Variants in PCID2 observed in about 807,000 individuals in gnomAD.
The protein encoded by PCID2 is PCI domain containing 2, also known as PCI domain-containing protein 2.
PCID2 carries 41 observed loss-of-function variants against 61.3 expected under a neutral mutation model. The ratio of observed to expected loss-of-function variants is 0.67; its 90% confidence interval spans 0.52 to 0.87. The LOEUF (loss-of-function observed/expected upper bound fraction) is 0.87. Among genes scored for constraint, PCID2 ranks in the 40% least tolerant of loss-of-function variants. The pLI is 0.00. For synonymous variants in PCID2, 187 were observed against 177.8 expected (o/e 1.05, Z -0.41); for missense variants, 392 against 493.4 (o/e 0.79, Z 1.95).
chr13:113,175,773 G>A (rs561858689), downstream of PCID2, among the ~76,000 whole-genome samples: 19 of 152,334 alleles, frequency 1.2e-4, no homozygotes, highest in East Asian at 5.8e-4. Flanking sequence ...CATCTCTCGC[G>A]TGTACGTGTG....
Position 113,181,145 on chromosome 13 carries a change from T to A in PCID2, c.771A>T (p.Pro257=). ...NKRMILIYLL[P]VKMLLGHMPT... ...AATCACTCACCAATAGCATTTTTAC[T>A]GGAAGCAAATAGATCAGAATCATCC... The change falls in exon 10 of 14, where the codon CCA becomes CCT. Residue 257 remains proline (P), a synonymous_variant. Coordinates refer to ENST00000337344, the MANE Select transcript of PCID2 (RefSeq NM_001127202.4). 2 of 1,608,942 alleles carry A rather than the reference T, an allele frequency of 1.2e-6. No individual in the cohort carries two copies. Among genetic ancestry groups the A allele is most frequent in the Non-Finnish European group, 1.7e-6 (2 of 1,175,220 alleles).
At position 113,181,202 on chromosome 13, in the gene PCID2, C is replaced by A. The variant is rs1357304307; in HGVS notation, c.714G>T (p.Glu238Asp). The change falls in exon 10 of 14, where the codon GAG becomes GAT. Residue 238 changes from glutamate to aspartate, a missense_variant. Physicochemically the swap from Glu to Asp is conservative, Grantham distance 45. This residue lies in a region of PCID2 where 226 missense variants were observed against 296.5 expected (regional missense o/e 0.76). Transcript: ENST00000337344. ...TCTTCTGACTAGAACGGTGACAATG[C>A]TCAAAGGCAAATGACAGGTACTCCT... Reference protein sequence around the residue: ...QAEEYLSFAFEHCHRSSQKNK... With the variant: ...QAEEYLSFAFDHCHRSSQKNK... The A allele has an allele frequency of 1.2e-6, 2 of 1,613,670 alleles. No individual in the cohort carries two copies. Among genetic ancestry groups the A allele is most frequent in the Admixed American group, 3.3e-5 (2 of 60,024 alleles).
intron 5 of PCID2, among the ~76,000 whole-genome samples, chr13:113,195,348 T>C (rs912464530): frequency 2.6e-5 from 4 of 152,120 alleles, no homozygotes; most frequent in Admixed American, 2.0e-4. Context: ...TCCACACCCC[T>C]GTCCCCAACC....
intron 6 of PCID2, among the ~76,000 whole-genome samples, chr13:113,194,208 G>A (rs115847468): frequency 2.0e-4 from 31 of 152,286 alleles, no homozygotes; most frequent in African/African-American, 6.7e-4. Flanking sequence ...GGGGTGGGAC[G>A]GACCTGCTGA....
intron 1 of PCID2, among the ~76,000 whole-genome samples, chr13:113,206,414 C>G (rs2039825295): frequency 6.6e-6 from 1 of 152,100 alleles, no homozygotes; most frequent in Non-Finnish European, 1.5e-5. Context: ...GGCTGGGGAG[C>G]ATGTGGCAAC....
At chr13:113,208,018 A>G (rs756938815) in intron 1 of PCID2, 6 of 1,610,996 alleles carry the variant, frequency 3.7e-6, no homozygotes, top group Non-Finnish European at 5.1e-6. Context: ...TGCTTCTGCT[A>G]CTTACAAGCT....
chr13:113,187,191 G>A (rs1256695215), intron 7 of PCID2: 4 of 152,148 alleles, frequency 2.6e-5, no homozygotes, highest in African/African-American at 7.2e-5. Flanking sequence ...CAAGTACTCC[G>A]TAACTCACGT....
At chr13:113,207,331 AT>A (rs1218013141) in intron 1 of PCID2, among the ~76,000 whole-genome samples, 1 of 152,274 alleles carries the variant, frequency 6.6e-6, no homozygotes, top group Non-Finnish European at 1.5e-5. Context: ...TGTTAAAAAA[AT>A]AATTAGGTAT....
intron 6 of PCID2, among the ~76,000 whole-genome samples, chr13:113,194,432 C>T (rs1185114342): frequency 6.6e-6 from 1 of 152,146 alleles, no homozygotes; most frequent in African/African-American, 2.4e-5. Flanking sequence ...CCCCATCCCC[C>T]TCTTCTCTCC....
At chr13:113,208,493 T>G in intron 1 of PCID2, 106 bp downstream of exon 1, 1 of 1,543,574 alleles carries the variant, frequency 6.5e-7, no homozygotes. Context: ...GGAAGAAGGG[T>G]GGCGAGGCGG....
At chr13:113,208,085 C>G (rs1282950435) in intron 1 of PCID2, 2 of 1,612,688 alleles carry the variant, frequency 1.2e-6, no homozygotes, top group Non-Finnish European at 1.7e-6. Context: ...GCATTGTGCT[C>G]GGAGAGTGAA....
At chr13:113,173,358 C>T (rs1304779062), downstream of PCID2, among the ~76,000 whole-genome samples, 1 of 147,008 alleles carries the variant, frequency 6.8e-6, no homozygotes, top group African/African-American at 2.5e-5. Flanking sequence ...CTGAAATGGA[C>T]AGAAATGGCA....
At chr13:113,180,782 G>T (rs2037561311) in intron 10 of PCID2, among the ~76,000 whole-genome samples, 1 of 152,208 alleles carries the variant, frequency 6.6e-6, no homozygotes, top group Non-Finnish European at 1.5e-5. Flanking sequence ...AGGGTGAAAT[G>T]ACATTTTTCT....
chr13:113,166,478 C>T, the PCID2 span: 1 of 152,066 alleles, frequency 6.6e-6, no homozygotes, highest in Non-Finnish European at 1.5e-5. Context: ...CAGTTTCACC[C>T]GACTCTTACA....
At chr13:113,171,847 C>T in the PCID2 span, 1 of 1,613,684 alleles carries the variant, frequency 6.2e-7, no homozygotes, top group Non-Finnish European at 8.5e-7. The surrounding 1 kb of genome is among the most constrained non-coding windows in gnomAD (Gnocchi z 5.1). Context: ...ACTCGCTGAC[C>T]ACGCGGCCTG....
At chr13:113,201,500 T>C (rs1337869064) in intron 1 of PCID2, among the ~76,000 whole-genome samples, 1 of 151,962 alleles carries the variant, frequency 6.6e-6, no homozygotes, top group East Asian at 1.9e-4. Flanking sequence ...GAAAACCAAA[T>C]ATGCTTTTAA....
At chr13:113,167,301 T>C in the PCID2 span, among the ~76,000 whole-genome samples, 15 of 152,336 alleles carry the variant, frequency 9.8e-5, no homozygotes, top group Admixed American at 4.6e-4. Flanking sequence ...TCTTGACTTA[T>C]GGTAGGTATT....
Position 113,179,874 on chromosome 13 carries a change from C to G in PCID2, c.986+43G>C. On this transcript the variant is annotated intron_variant, in intron 12 of 13. Transcript: ENST00000337344. The surrounding 1 kb of genome is among the most constrained non-coding windows in gnomAD (Gnocchi z 4.3). ...AGCCCTGGATGTCTGACTGCTCTGC[C>G]GAGAGCCACACTGGGAGCCCAATGT... 6.3e-7 allele frequency: 1 copy of G among 1,588,838 alleles called. No homozygotes were observed. Among genetic ancestry groups the G allele is most frequent in the Non-Finnish European group, 8.6e-7 (1 of 1,165,296 alleles).
downstream of PCID2, among the ~76,000 whole-genome samples, chr13:113,176,984 A>G (rs1277913908): frequency 6.6e-6 from 1 of 152,164 alleles, no homozygotes; most frequent in East Asian, 1.9e-4. Flanking sequence ...CAACAGCCCA[A>G]TGTGAGTGGC....
Sources: gnomAD v4.1 joint callset for allele counts (sites outside exome capture counted in the v4.1 genomes callset) on GRCh38, gnomAD v4.1.1 for gene constraint, gnomAD v4.1.1 regional missense constraint, Gnocchi (gnomAD v3.1) non-coding constraint, MANE v1.5 for transcripts, NCBI Gene and HGNC (gene_info 2026-07-23, HGNC 2026-07-21) for gene names.